USP45: variants seen among roughly 807,000 people sequenced by gnomAD.
The protein encoded by USP45 is ubiquitin carboxyl-terminal hydrolase 45.
Under a neutral mutation model 95.8 loss-of-function variants are expected in USP45, and 89 were observed. That is an observed-to-expected ratio of 0.93 (90% CI 0.78 to 1.11). The LOEUF (loss-of-function observed/expected upper bound fraction) is 1.11, where lower values mean the gene tolerates loss of function less well. USP45 is among the 50% of genes least tolerant of loss of function. The pLI is 0.00. For synonymous variants in USP45, 281 were observed against 316.2 expected, an observed-to-expected ratio of 0.89 and a Z score of 1.18; for missense variants, 898 against 942.5, an observed-to-expected ratio of 0.95 and a Z score of 0.62.
chr6:99,451,233 G>A (rs1205153950), intron 13 of USP45, among the ~76,000 whole-genome samples: 1 of 152,152 alleles, frequency 6.6e-6, no homozygotes, highest in Non-Finnish European at 1.5e-5. Flanking sequence ...AGGAAAAGAG[G>A]AAGGCAAATT....
chr6:99,508,695 G>A lies in USP45; in HGVS notation c.188C>T (p.Ser63Leu), dbSNP rs1241900992. The A allele has an allele frequency of 1.9e-6, 3 of 1,613,768 alleles. No homozygotes were observed. The highest frequency in any genetic ancestry group is 1.7e-5 in the Admixed American group (1 of 60,000). Residue 63 changes from serine (S) to leucine (L), a missense_variant, in exon 3 of 18, where the codon TCA becomes TTA. Physicochemically the swap from Ser to Leu is moderately radical, Grantham distance 145 (BLOSUM62 -2). Coordinates refer to ENST00000500704, the MANE Select transcript of USP45 (RefSeq NM_001346022.3). The stretch of plus-strand genomic sequence containing the variant: ...GAATCTTCTTTCTTTTAAACATTCT[G>A]AGCAAACTGACCACAGATTCTCAGC... ...AIAENLWSVC[S>L]ECLKERRFYD...
intron 13 of USP45, among the ~76,000 whole-genome samples, chr6:99,449,473 C>A (rs950990893): frequency 3.3e-5 from 5 of 151,974 alleles, no homozygotes; most frequent in African/African-American, 1.2e-4. Flanking sequence ...GCTAACTATC[C>A]TAAATATATA....
intron 7 of USP45, among the ~76,000 whole-genome samples, chr6:99,485,679 T>A (rs967200509): frequency 1.1e-4 from 16 of 152,282 alleles, no homozygotes; most frequent in African/African-American, 3.9e-4. Context: ...AGTTATACAC[T>A]CATAATATAC....
intron 8 of USP45, chr6:99,482,194 T>C (rs1054874186): frequency 3.9e-5 from 6 of 152,218 alleles, no homozygotes; most frequent in Admixed American, 3.9e-4. Context: ...CCCTGAATTG[T>C]AGCAAGTACC....
At chr6:99,499,662 C>T (rs962604622) in intron 5 of USP45, among the ~76,000 whole-genome samples, 9 of 152,152 alleles carry the variant, frequency 5.9e-5, no homozygotes, top group Admixed American at 2.0e-4. Flanking sequence ...CTCAAAAGCC[C>T]GTGCCCCACC....
Position 99,443,592 on chromosome 6 carries a change from T to G in USP45, c.2046A>C (p.Leu682=), listed in dbSNP as rs375343231. ...QLLISAVPAV[L]ILHLKRFHQA... is the part of the protein sequence containing the mutation. ...GATGAAATCTTTTCAGGTGGAGAAT[T>G]AGGACAGCTGGAACAGCAGAAATGA... Residue 682 remains leucine (L), a synonymous_variant, in exon 15 of 18, where the codon CTA becomes CTC. Transcript: ENST00000500704. The G allele has an allele frequency of 3.6e-5, 58 of 1,608,780 alleles. No homozygotes were observed. The highest frequency in any genetic ancestry group is 4.6e-5 in the Non-Finnish European group (54 of 1,177,098).
At chr6:99,446,514 A>C in intron 13 of USP45, 51 bp from the exon 14 acceptor site, 1 of 1,449,110 alleles carries the variant, frequency 6.9e-7, no homozygotes, top group Non-Finnish European at 9.3e-7. Context: ...CCTCATTGAA[A>C]ATAAATGCCA....
At chr6:99,469,562 T>A (rs999834331) in intron 9 of USP45, among the ~76,000 whole-genome samples, 5 of 150,058 alleles carry the variant, frequency 3.3e-5, no homozygotes, top group African/African-American at 1.2e-4. Context: ...CACTGCAGCT[T>A]TGACTTCTCT....
chr6:99,507,325 G>A, intron 4 of USP45, 103 bp downstream of exon 4: 1 of 580,536 alleles, frequency 1.7e-6, no homozygotes, highest in Non-Finnish European at 3.0e-6. Flanking sequence ...AAAACCATAA[G>A]CTGATAGAAC....
chr6:99,504,495 G>T (rs557353648), intron 4 of USP45, among the ~76,000 whole-genome samples: 1 of 152,302 alleles, frequency 6.6e-6, no homozygotes, highest in South Asian at 2.1e-4. Flanking sequence ...AGATTGGAGG[G>T]ATTGGAGGGC....
chr6:99,479,545 A>G (rs1033085903), intron 8 of USP45, among the ~76,000 whole-genome samples: 2 of 149,094 alleles, frequency 1.3e-5, no homozygotes, highest in African/African-American at 5.0e-5. Context: ...TATGTCACAT[A>G]TACCTTACTA....
At chr6:99,462,983 ATAAT>A (rs34485253) in intron 13 of USP45, among the ~76,000 whole-genome samples, 7,276 of 152,156 alleles carry the variant, frequency 0.048, 233 homozygotes, top group East Asian at 0.14. Context: ...CTCTGTCTCA[ATAAT>A]TAATTAATTA....
chr6:99,467,181 A>G (rs1209981665), intron 10 of USP45, among the ~76,000 whole-genome samples: 2 of 152,198 alleles, frequency 1.3e-5, no homozygotes, highest in African/African-American at 4.8e-5. Context: ...AGGAATTAAC[A>G]TAGGTAATTA....
intron 15 of USP45, among the ~76,000 whole-genome samples, chr6:99,442,089 A>G (rs1359262623): frequency 1.3e-5 from 2 of 152,212 alleles, no homozygotes; most frequent in Non-Finnish European, 2.9e-5. Context: ...ATTTAGCTTG[A>G]GAGAAAAAGG....
chr6:99,493,355 C>T (rs1277740118), intron 5 of USP45, among the ~76,000 whole-genome samples: 1 of 152,068 alleles, frequency 6.6e-6, no homozygotes, highest in East Asian at 1.9e-4. Context: ...ACTGTAATAT[C>T]TCAGGAAAAC....
intron 14 of USP45, 150 bp from the exon 15 acceptor site, chr6:99,443,812 TA>T (rs1781966797): frequency 1.9e-6 from 1 of 513,436 alleles, no homozygotes; most frequent in Non-Finnish European, 3.3e-6. Flanking sequence ...TACTCCTTCC[TA>T]AAACTCTGCT....
intron 4 of USP45, among the ~76,000 whole-genome samples, chr6:99,504,889 C>A (rs1798167576): frequency 6.6e-6 from 1 of 152,040 alleles, no homozygotes. Context: ...ATTAACAGTC[C>A]AAATGCCAAT....
chr6:99,439,810 G>T lies in USP45; in HGVS notation c.2119C>A (p.Leu707Ile), dbSNP rs112012069. Residue 707 changes from leucine (L) to isoleucine (I), a missense_variant, in exon 16 of 18, where the codon CTT (leucine) becomes ATT (isoleucine). By Grantham distance (5) the Leu-to-Ile change is conservative. Coordinates refer to ENST00000500704, the MANE Select transcript of USP45 (RefSeq NM_001346022.3). Reference protein sequence around the residue: ...RKVNRHVDFPLMLDLAPFCSA... With the variant: ...RKVNRHVDFPIMLDLAPFCSA... ...CAGAATGGTGCTAAATCGAGCATAA[G>T]TGGAAAATCTACATGTCTGTTTACT... is the stretch of plus-strand genomic sequence containing the variant. The T allele has an allele frequency of 5.5e-5, 89 of 1,608,268 alleles. No individual in the cohort carries two copies. Among genetic ancestry groups the T allele is most frequent in the African/African-American group, 2.7e-4 (20 of 74,904 alleles).
chr6:99,487,464 T>C (rs1167438500), intron 7 of USP45, among the ~76,000 whole-genome samples: 3 of 151,884 alleles, frequency 2.0e-5, no homozygotes, highest in African/African-American at 7.3e-5. Context: ...CTCACTAGCT[T>C]AAAAATCTAT....
Sources: gnomAD v4.1 joint callset for allele counts (sites outside exome capture counted in the v4.1 genomes callset) on GRCh38, gnomAD v4.1.1 for gene constraint, MANE v1.5 for transcripts, NCBI Gene and HGNC (gene_info 2026-07-23, HGNC 2026-07-21) for gene names.